TFEC: variants seen among roughly 807,000 people sequenced by gnomAD.
TFEC encodes the protein class E basic helix-loop-helix protein 34.
In TFEC, 31 loss-of-function variants were observed where a neutral mutation model predicts 41.6. The observed-to-expected ratio is 0.74, with a 90% CI of 0.56 to 1.01. The LOEUF is 1.01. Among genes scored for constraint, TFEC ranks in the 50% least tolerant of loss-of-function variants. The pLI is 0.00. For synonymous variants in TFEC, 143 were observed against 140.6 expected (o/e 1.02, Z -0.12); for missense variants, 402 against 404.1 (o/e 0.99, Z 0.04).
At position 115,967,818 on chromosome 7, in the gene TFEC, T is replaced by G. The variant is rs139923492; in HGVS notation, c.267+6352A>C. Reference sequence around the variant, plus strand: ...AAAACAAAGAATGATAATTTATAAATACTTTTGCATCATGCATATTATATA... The same window carrying G: ...AAAACAAAGAATGATAATTTATAAAGACTTTTGCATCATGCATATTATATA... On this transcript the variant is annotated intron_variant, in intron 3 of 7. Coordinates refer to ENST00000265440, the MANE Select transcript of TFEC (RefSeq NM_012252.4). Among the ~76,000 whole-genome samples, 530 of 151,964 alleles carry G rather than the reference T, an allele frequency of 3.5e-3. 1 individual carries two copies. The highest frequency in any genetic ancestry group is 0.012 in the African/African-American group (514 of 41,524).
chr7:115,966,632 G>C lies in TFEC; in HGVS notation c.267+7538C>G, dbSNP rs573868606. On this transcript the variant is annotated intron_variant, in intron 3 of 7. Coordinates refer to ENST00000265440, the MANE Select transcript of TFEC (RefSeq NM_012252.4). ...GTAGAGAGCTTGGATTCAAACCAAG[G>C]AATGTCTAACACAATGTCTGGATTC... Among the ~76,000 whole-genome samples the C allele has an allele frequency of 6.6e-5, 10 of 151,830 alleles. 1 individual carries two copies. The South Asian group carries it at 2.1e-3, about 32-fold the overall frequency.
chr7:116,041,284 TA>T (rs984430607), intron 3 of TFEC, among the ~76,000 whole-genome samples: 190 of 148,308 alleles, frequency 1.3e-3, no homozygotes, highest in Non-Finnish European at 2.3e-3. Flanking sequence ...AAGGAAGCAT[TA>T]AAAAAAAAGA....
At chr7:116,049,711 T>C (rs1272542233) in intron 3 of TFEC, among the ~76,000 whole-genome samples, 1 of 152,200 alleles carries the variant, frequency 6.6e-6, no homozygotes, top group Non-Finnish European at 1.5e-5. Context: ...TATTCCAAAA[T>C]TGACCACATA....
intron 1 of TFEC, among the ~76,000 whole-genome samples, chr7:115,991,798 C>T (rs1452428283): frequency 6.6e-6 from 1 of 152,150 alleles, no homozygotes; most frequent in African/African-American, 2.4e-5. Flanking sequence ...GACAGATCAA[C>T]AAGACAGAAA....
intron 3 of TFEC, among the ~76,000 whole-genome samples, chr7:116,087,102 T>A (rs959622941): frequency 4.0e-5 from 6 of 151,898 alleles, no homozygotes; most frequent in African/African-American, 1.4e-4. Flanking sequence ...TTACAATTGA[T>A]TAGAGATCAG....
intron 3 of TFEC, among the ~76,000 whole-genome samples, chr7:116,071,467 G>T (rs996299602): frequency 6.6e-6 from 1 of 151,098 alleles, no homozygotes; most frequent in Non-Finnish European, 1.5e-5. Flanking sequence ...ATTATCAAAG[G>T]TATTTTTAAG....
intron 3 of TFEC, among the ~76,000 whole-genome samples, chr7:116,103,461 G>A (rs1797648259): frequency 6.6e-6 from 1 of 152,076 alleles, no homozygotes; most frequent in African/African-American, 2.4e-5. Flanking sequence ...CAGGAAAGAT[G>A]GGTAGCTGTT....
At chr7:116,057,427 A>G (rs1796455298) in intron 3 of TFEC, among the ~76,000 whole-genome samples, 1 of 152,016 alleles carries the variant, frequency 6.6e-6, no homozygotes. Context: ...CTATATTTCT[A>G]TATTCAACAA....
intron 3 of TFEC, among the ~76,000 whole-genome samples, chr7:116,039,987 G>T (rs574556429): frequency 3.3e-5 from 5 of 152,118 alleles, no homozygotes; most frequent in African/African-American, 1.2e-4. Context: ...AGTAAGACAG[G>T]ATATACTTTG....
intron 3 of TFEC, among the ~76,000 whole-genome samples, chr7:116,098,867 A>AATGGAAGGAAGG (rs1797533840): frequency 8.7e-6 from 1 of 115,042 alleles, no homozygotes; most frequent in Non-Finnish European, 1.8e-5. Context: ...GAGAGGAAGA[A>AATGGAAGGAAGG]AAGGAAGGAA....
intron 1 of TFEC, among the ~76,000 whole-genome samples, chr7:116,127,178 C>T (rs1278153609): frequency 6.6e-6 from 1 of 151,902 alleles, no homozygotes; most frequent in East Asian, 1.9e-4. Context: ...TCACTGCAAG[C>T]TCTGCCTCCT....
intron 1 of TFEC, among the ~76,000 whole-genome samples, chr7:116,000,296 A>G (rs1794539650): frequency 6.6e-6 from 1 of 152,090 alleles, no homozygotes; most frequent in Non-Finnish European, 1.5e-5. Context: ...AACTGAATAT[A>G]GAAGCAACTC....
chr7:116,074,188 T>C (rs1055479993), intron 3 of TFEC, among the ~76,000 whole-genome samples: 2 of 103,824 alleles, frequency 1.9e-5, no homozygotes, highest in African/African-American at 5.0e-5. Flanking sequence ...TTATACATTA[T>C]ATATTTTTTG....
At chr7:116,045,535 T>C (rs1176421820) in intron 3 of TFEC, among the ~76,000 whole-genome samples, 2 of 152,168 alleles carry the variant, frequency 1.3e-5, no homozygotes, top group South Asian at 2.1e-4. Flanking sequence ...AAGTCAGAAA[T>C]TGAGGTTTGG....
chr7:116,029,294 T>A (rs1044528717), intron 1 of TFEC, among the ~76,000 whole-genome samples: 7 of 152,288 alleles, frequency 4.6e-5, no homozygotes, highest in African/African-American at 1.7e-4. Context: ...ATCTTAAAGT[T>A]TAGCCTACTT....
chr7:115,955,670 T>C (rs1423926143), intron 4 of TFEC, among the ~76,000 whole-genome samples: 1 of 152,066 alleles, frequency 6.6e-6, no homozygotes, highest in Non-Finnish European at 1.5e-5. Flanking sequence ...GTTTATTACT[T>C]TGAGATTATA....
intron 3 of TFEC, among the ~76,000 whole-genome samples, chr7:115,960,732 G>GAT (rs1300380223): frequency 6.6e-6 from 1 of 151,598 alleles, no homozygotes; most frequent in East Asian, 1.9e-4. Context: ...AGGATTGACA[G>GAT]ATAAAGTAAG....
intron 1 of TFEC, among the ~76,000 whole-genome samples, chr7:116,127,691 CAAAAA>C (rs72053152): frequency 1.9e-5 from 2 of 105,118 alleles, no homozygotes. Context: ...GAGTCAGTGT[CAAAAA>C]AAAAAAAAAA....
At chr7:115,954,488 G>T in intron 5 of TFEC, 98 bp downstream of exon 5, 1 of 923,792 alleles carries the variant, frequency 1.1e-6, no homozygotes. Flanking sequence ...TTGGCCATCT[G>T]ACATGAAAAT....
Sources: gnomAD v4.1 joint callset for allele counts (sites outside exome capture counted in the v4.1 genomes callset) on GRCh38, gnomAD v4.1.1 for gene constraint, MANE v1.5 for transcripts, NCBI Gene and HGNC (gene_info 2026-07-23, HGNC 2026-07-21) for gene names.